MMP20: variants seen among roughly 807,000 people sequenced by gnomAD.
MMP20 encodes the protein matrix metalloproteinase-20.
A neutral mutation model predicts 51.8 loss-of-function variants in MMP20; 50 were observed. The observed-to-expected ratio is 0.97, with a 90% CI of 0.77 to 1.22. The LOEUF (loss-of-function observed/expected upper bound fraction) is 1.22. Among genes scored for constraint, MMP20 ranks in the 50% most tolerant of loss-of-function variants. The pLI, the probability that MMP20 is intolerant of heterozygous loss-of-function variation, is 0.00. For missense variants in MMP20, 663 were observed against 601.4 expected, an observed-to-expected ratio of 1.10 and a Z score of -1.07; for synonymous variants, 244 against 216.2, an observed-to-expected ratio of 1.13 and a Z score of -1.13.
intron 1 of MMP20, among the ~76,000 whole-genome samples, chr11:102,623,315 G>A (rs1216184248): frequency 6.6e-6 from 1 of 152,146 alleles, no homozygotes; most frequent in East Asian, 1.9e-4. Flanking sequence ...TTAGGAACCT[G>A]GCCCCACAGC....
intron 1 of MMP20, among the ~76,000 whole-genome samples, chr11:102,620,674 A>G (rs1257867587): frequency 1.3e-5 from 2 of 152,162 alleles, no homozygotes; most frequent in Non-Finnish European, 2.9e-5. Context: ...GTCCTTCCTG[A>G]GACTTAAGAG....
chr11:102,614,868 G>A (rs556996697), intron 2 of MMP20, among the ~76,000 whole-genome samples: 1 of 151,912 alleles, frequency 6.6e-6, no homozygotes, highest in South Asian at 2.1e-4. Context: ...TTCTCACTAT[G>A]GCTAATTCAA....
At chr11:102,621,153 C>G (rs1859745855) in intron 1 of MMP20, among the ~76,000 whole-genome samples, 1 of 152,212 alleles carries the variant, frequency 6.6e-6, no homozygotes, top group Non-Finnish European at 1.5e-5. Flanking sequence ...GAGAGGACTC[C>G]TGTACAATGT....
chr11:102,615,059 G>T (rs974930977), intron 2 of MMP20, among the ~76,000 whole-genome samples: 3 of 147,020 alleles, frequency 2.0e-5, no homozygotes, highest in Non-Finnish European at 4.5e-5. Flanking sequence ...TTATATTAAT[G>T]TAATTATTTA....
intron 6 of MMP20, among the ~76,000 whole-genome samples, chr11:102,598,768 G>T (rs1320386656): frequency 6.6e-6 from 1 of 152,164 alleles, no homozygotes; most frequent in South Asian, 2.1e-4. Context: ...CTTGATGCAT[G>T]TTGTTGAGCC....
At chr11:102,614,093 A>C (rs1245064738) in intron 2 of MMP20, among the ~76,000 whole-genome samples, 1 of 152,230 alleles carries the variant, frequency 6.6e-6, no homozygotes, top group East Asian at 1.9e-4. Flanking sequence ...TGCTGTATGC[A>C]CTTTTTAATG....
intron 6 of MMP20, among the ~76,000 whole-genome samples, chr11:102,605,092 A>T (rs1859497153): frequency 6.6e-6 from 1 of 152,202 alleles, no homozygotes; most frequent in East Asian, 1.9e-4. Context: ...TGAGGTCATG[A>T]GGGTGGGGGC....
At chr11:102,602,345 A>T (rs201101834) in intron 6 of MMP20, among the ~76,000 whole-genome samples, 1 of 151,096 alleles carries the variant, frequency 6.6e-6, no homozygotes, top group African/African-American at 2.4e-5. Flanking sequence ...AGATTAAAAA[A>T]ATATATAGAA....
At chr11:102,586,595 C>T (rs1466481316) in intron 8 of MMP20, among the ~76,000 whole-genome samples, 8 of 152,088 alleles carry the variant, frequency 5.3e-5, no homozygotes, top group East Asian at 3.9e-4. Flanking sequence ...GGGCGGATCA[C>T]GAGGTCAGGA....
chr11:102,600,700 T>G (rs2509016), intron 6 of MMP20, among the ~76,000 whole-genome samples: 7 of 151,836 alleles, frequency 4.6e-5, no homozygotes, highest in African/African-American at 1.7e-4. Flanking sequence ...TTTCCCAGGC[T>G]GGTCTTGAAC....
At chr11:102,588,444 C>A (rs1859278569) in intron 8 of MMP20, among the ~76,000 whole-genome samples, 1 of 151,908 alleles carries the variant, frequency 6.6e-6, no homozygotes. Flanking sequence ...TCTTTTGTTC[C>A]TGTGAATTTT....
chr11:102,606,481 G>T (rs1425467089), intron 6 of MMP20, 54 bp downstream of exon 6: 7 of 1,611,404 alleles, frequency 4.3e-6, no homozygotes, highest in Non-Finnish European at 5.9e-6. Flanking sequence ...GACGACGTTT[G>T]TCTGGGAGTG....
chr11:102,589,782 CA>C (rs1394799226), intron 8 of MMP20, among the ~76,000 whole-genome samples: 1 of 152,110 alleles, frequency 6.6e-6, no homozygotes, highest in African/African-American at 2.4e-5. Flanking sequence ...GTAGTTTAGT[CA>C]TAAGTTTTTT....
At chr11:102,599,099 G>C (rs1859416711) in intron 6 of MMP20, among the ~76,000 whole-genome samples, 1 of 148,926 alleles carries the variant, frequency 6.7e-6, no homozygotes. Context: ...TGCAACCTCT[G>C]CCTCCTGGGT....
intron 1 of MMP20, among the ~76,000 whole-genome samples, chr11:102,623,763 G>A (rs532634255): frequency 3.7e-4 from 57 of 152,204 alleles, no homozygotes; most frequent in African/African-American, 1.4e-3. Flanking sequence ...TAGAAGGGGG[G>A]TCTCCCAACA....
At chr11:102,591,033 A>G (rs982340019) in intron 8 of MMP20, among the ~76,000 whole-genome samples, 3 of 152,216 alleles carry the variant, frequency 2.0e-5, no homozygotes, top group East Asian at 1.9e-4. Context: ...TTAAGCCACA[A>G]TTATTTTGGG....
chr11:102,605,701 T>C (rs1859506208), intron 6 of MMP20, among the ~76,000 whole-genome samples: 1 of 152,116 alleles, frequency 6.6e-6, no homozygotes. Flanking sequence ...ATAAACACTT[T>C]TGCAATAGTG....
At chr11:102,585,638 T>G (rs1859246601) in intron 8 of MMP20, among the ~76,000 whole-genome samples, 1 of 152,194 alleles carries the variant, frequency 6.6e-6, no homozygotes, top group African/African-American at 2.4e-5. Context: ...TCCAGTACAA[T>G]GTGAATGGAG....
chr11:102,609,507 G>A (rs1346228786), intron 4 of MMP20, among the ~76,000 whole-genome samples: 1 of 152,168 alleles, frequency 6.6e-6, no homozygotes, highest in Admixed American at 6.5e-5. Context: ...ATTTCCAGAT[G>A]ACCTGTATGA....
Sources: gnomAD v4.1 joint callset for allele counts (sites outside exome capture counted in the v4.1 genomes callset) on GRCh38, gnomAD v4.1.1 for gene constraint, MANE v1.5 for transcripts, NCBI Gene and HGNC (gene_info 2026-07-23, HGNC 2026-07-21) for gene names.